The following MRTFB variants were observed in gnomAD, a reference collection of about 807,000 sequenced individuals.
The protein encoded by MRTFB is myocardin related transcription factor B.
A neutral mutation model predicts 104.2 loss-of-function variants in MRTFB; 29 were observed. The observed-to-expected ratio is 0.28, with a 90% CI of 0.21 to 0.38. The LOEUF is 0.38. Among genes scored for constraint, MRTFB ranks in the 10% least tolerant of loss-of-function variants. The pLI is 1.00. For missense variants in MRTFB, 1,270 were observed against 1,341.6 expected, an observed-to-expected ratio of 0.95 and a Z score of 0.83; for synonymous variants, 535 against 519.5, an observed-to-expected ratio of 1.03 and a Z score of -0.41.
intron 2 of MRTFB, among the ~76,000 whole-genome samples, chr16:14,082,291 G>C (rs931139988): frequency 6.6e-6 from 1 of 152,210 alleles, no homozygotes; most frequent in Non-Finnish European, 1.5e-5. Context: ...ATTTAGAAGA[G>C]ACTGTCCTTT....
At chr16:14,066,868 A>C (rs2033531780), upstream of MRTFB, among the ~76,000 whole-genome samples, 1 of 151,904 alleles carries the variant, frequency 6.6e-6, no homozygotes, top group Non-Finnish European at 1.5e-5. Flanking sequence ...ACAGGGTATC[A>C]TTATGTTGCC....
At chr16:14,176,200 C>G (rs1184648626) in intron 3 of MRTFB, among the ~76,000 whole-genome samples, 2 of 152,178 alleles carry the variant, frequency 1.3e-5, no homozygotes, top group East Asian at 3.8e-4. Context: ...TGCTTATCAA[C>G]TAGCCTGGAC....
the MRTFB span, among the ~76,000 whole-genome samples, chr16:14,010,582 C>T: frequency 1.0e-3 from 154 of 152,184 alleles, no homozygotes; most frequent in African/African-American, 3.3e-3. Context: ...ATTACAGGTG[C>T]GTGCCACCAT....
intron 2 of MRTFB, among the ~76,000 whole-genome samples, chr16:14,128,157 T>C (rs2037254066): frequency 6.6e-6 from 1 of 151,804 alleles, no homozygotes; most frequent in African/African-American, 2.4e-5. Context: ...GTTGAGGAAG[T>C]GAGGTAGTCT....
chr16:14,126,508 A>C (rs2037118493), intron 2 of MRTFB, among the ~76,000 whole-genome samples: 1 of 152,162 alleles, frequency 6.6e-6, no homozygotes, highest in African/African-American at 2.4e-5. Context: ...AGGGGGTTAA[A>C]TTTTTTAAAA....
rs1167646699 is a variant in MRTFB at position 14,263,974 on chromosome 16, T to C, written c.*2530T>C. The stretch of plus-strand genomic sequence containing the variant: ...AGGACGCGCTATGTGCTCACACTCA[T>C]GTGACATGACCAAAGATGATACTCT... On this transcript the variant is annotated 3_prime_UTR_variant, in exon 17 of 17. Transcript: ENST00000571589. 1.3e-5 allele frequency: 2 copies of C among 152,166 alleles called. No individual in the cohort carries two copies. The highest frequency in any genetic ancestry group is 4.8e-5 in the African/African-American group (2 of 41,422). 9.4% of individuals were successfully genotyped at this position (152,166 alleles called of 1,614,324 possible). A position where few individuals can be genotyped will look rare whatever the true frequency, so the allele number is the denominator to read the frequency against.
chr16:14,248,799 A>T, intron 12 of MRTFB, 127 bp from the exon 13 acceptor site: 4 of 923,358 alleles, frequency 4.3e-6, no homozygotes, highest in Non-Finnish European at 6.4e-6. Context: ...TGAAGTGTGT[A>T]TCTGTAACCT....
the MRTFB span, chr16:14,016,108 G>A: frequency 7.6e-6 from 3 of 397,154 alleles, no homozygotes; most frequent in Non-Finnish European, 1.3e-5. Flanking sequence ...AGGAAGTTTG[G>A]CTTGGCTGTG....
the MRTFB span, among the ~76,000 whole-genome samples, chr16:14,052,959 A>G: frequency 6.6e-6 from 1 of 152,148 alleles, no homozygotes; most frequent in South Asian, 2.1e-4. Context: ...ATGTAAGAAC[A>G]TATGATATTT....
chr16:14,217,929 C>A (rs1050407166), intron 7 of MRTFB, among the ~76,000 whole-genome samples: 1 of 152,132 alleles, frequency 6.6e-6, no homozygotes, highest in African/African-American at 2.4e-5. Context: ...TTGTTTCTGG[C>A]GTAAGCTTTA....
chr16:14,052,217 A>T, the MRTFB span, among the ~76,000 whole-genome samples: 1 of 152,068 alleles, frequency 6.6e-6, no homozygotes, highest in Non-Finnish European at 1.5e-5. Context: ...ATGAGGGAGG[A>T]GGAGTCATGG....
chr16:14,017,627 A>G, the MRTFB span, among the ~76,000 whole-genome samples: 30 of 62,880 alleles, frequency 4.8e-4, no homozygotes, highest in African/African-American at 1.5e-3. Context: ...ATATATATAT[A>G]TATATATATA....
At chr16:14,083,075 G>T (rs2141886106) in intron 2 of MRTFB, among the ~76,000 whole-genome samples, 2 of 151,252 alleles carry the variant, frequency 1.3e-5, no homozygotes, top group African/African-American at 2.4e-5. Context: ...TTACCTCCTT[G>T]GTTCAATTTA....
intron 3 of MRTFB, among the ~76,000 whole-genome samples, chr16:14,209,110 C>T (rs974795486): frequency 8.5e-5 from 13 of 152,178 alleles, no homozygotes; most frequent in Admixed American, 3.3e-4. Context: ...CTGCAGTCAG[C>T]GCAAGACCAA....
At chr16:13,998,530 C>T in the MRTFB span, among the ~76,000 whole-genome samples, 2,139 of 152,076 alleles carry the variant, frequency 0.014, 40 homozygotes, top group African/African-American at 0.049. Flanking sequence ...CCTGTAGTTC[C>T]AGCTACTCAG....
At chr16:14,225,585 A>G (rs922375610) in intron 8 of MRTFB, among the ~76,000 whole-genome samples, 4 of 152,228 alleles carry the variant, frequency 2.6e-5, no homozygotes, top group Non-Finnish European at 5.9e-5. Context: ...TTTCTCAGAG[A>G]GAAATATTTT....
At chr16:14,124,602 C>T (rs1478297164) in intron 2 of MRTFB, among the ~76,000 whole-genome samples, 1 of 152,144 alleles carries the variant, frequency 6.6e-6, no homozygotes. Flanking sequence ...GCCTTGCATC[C>T]CAGGGATGAA....
At chr16:14,067,562 T>G (rs2033537175), upstream of MRTFB, among the ~76,000 whole-genome samples, 1 of 152,188 alleles carries the variant, frequency 6.6e-6, no homozygotes, top group African/African-American at 2.4e-5. Context: ...CTCTTAAGTT[T>G]CAGCTCAATT....
At chr16:14,233,009 A>T (rs1239831673) in intron 8 of MRTFB, among the ~76,000 whole-genome samples, 1 of 152,248 alleles carries the variant, frequency 6.6e-6, no homozygotes, top group Non-Finnish European at 1.5e-5. Context: ...AGTAATCAAT[A>T]TGCAAATTTT....
Sources: allele counts gnomAD v4.1 joint callset (sites outside exome capture counted in the v4.1 genomes callset), GRCh38; gene constraint gnomAD v4.1.1; transcripts MANE v1.5; gene names NCBI Gene and HGNC (gene_info 2026-07-23, HGNC 2026-07-21).